Variants in PTK2 observed in about 807,000 individuals in gnomAD.
The protein encoded by PTK2 is focal adhesion kinase 1.
PTK2 carries 45 observed loss-of-function variants against 150.1 expected under a neutral mutation model. The ratio of observed to expected loss-of-function variants is 0.30; its 90% confidence interval spans 0.24 to 0.38. PTK2 has a LOEUF of 0.38. PTK2 is among the 10% of genes least tolerant of loss of function. PTK2 has a pLI of 1.00. For missense variants in PTK2, 919 were observed against 1,307.3 expected (o/e 0.70, Z 4.58); for synonymous variants, 432 against 449.2 (o/e 0.96, Z 0.48).
chr8:140,964,849 C>T (rs1238229234), intron 1 of PTK2, among the ~76,000 whole-genome samples: 1 of 152,158 alleles, frequency 6.6e-6, no homozygotes, highest in African/African-American at 2.4e-5. Flanking sequence ...TTCAAAGACA[C>T]TCAGACCTTG....
intron 22 of PTK2, among the ~76,000 whole-genome samples, chr8:140,720,181 C>T (rs1592079526): frequency 1.3e-5 from 2 of 152,168 alleles, no homozygotes; most frequent in East Asian, 1.9e-4. Context: ...CACAGCAATG[C>T]TTTCTGTCCA....
intron 5 of PTK2, among the ~76,000 whole-genome samples, chr8:140,850,283 G>C (rs2100128369): frequency 6.6e-6 from 1 of 151,734 alleles, no homozygotes; most frequent in African/African-American, 2.4e-5. Context: ...AAAATTAGCT[G>C]GGCATGGTGG....
At chr8:140,992,647 C>T (rs893969094) in intron 1 of PTK2, among the ~76,000 whole-genome samples, 16 of 152,242 alleles carry the variant, frequency 1.1e-4, no homozygotes, top group South Asian at 2.1e-4. Flanking sequence ...GGAACGTGTG[C>T]GTGAACAGTG....
chr8:140,987,350 T>G (rs1198265773), intron 1 of PTK2, among the ~76,000 whole-genome samples: 2 of 152,078 alleles, frequency 1.3e-5, no homozygotes, highest in African/African-American at 4.8e-5. Context: ...CCAGCTAATT[T>G]TTGTATTTTT....
intron 5 of PTK2, among the ~76,000 whole-genome samples, chr8:140,863,073 T>C (rs975997231): frequency 2.0e-5 from 3 of 152,166 alleles, no homozygotes; most frequent in Non-Finnish European, 2.9e-5. Flanking sequence ...TTATCTCACA[T>C]AGAAAAATAT....
At chr8:140,838,962 C>T (rs1296216280) in intron 7 of PTK2, among the ~76,000 whole-genome samples, 5 of 150,318 alleles carry the variant, frequency 3.3e-5, no homozygotes, top group African/African-American at 7.4e-5. Flanking sequence ...GCCGAGATCG[C>T]GCCACTGCAC....
At chr8:140,749,967 A>G (rs1266028044) in intron 17 of PTK2, among the ~76,000 whole-genome samples, 1 of 152,258 alleles carries the variant, frequency 6.6e-6, no homozygotes, top group Non-Finnish European at 1.5e-5. Context: ...ACCAATTTTT[A>G]AAATTTTCAT....
At chr8:140,771,552 G>A (rs2100075513) in intron 14 of PTK2, 1 of 152,198 alleles carries the variant, frequency 6.6e-6, no homozygotes, top group African/African-American at 2.4e-5. Context: ...AGATGCAGCA[G>A]TCATTAACAA....
intron 1 of PTK2, among the ~76,000 whole-genome samples, chr8:140,975,602 GA>G (rs1351411039): frequency 1.3e-5 from 2 of 152,156 alleles, no homozygotes; most frequent in Non-Finnish European, 2.9e-5. Flanking sequence ...GCGTTGAGGA[GA>G]GGGGGGAGGG....
intron 16 of PTK2, among the ~76,000 whole-genome samples, chr8:140,755,899 A>G (rs974510896): frequency 3.3e-5 from 5 of 152,258 alleles, no homozygotes; most frequent in Non-Finnish European, 1.5e-5. Context: ...TTGATTTTAC[A>G]GAATACTAAA....
chr8:140,717,637 C>T, exon 23 of PTK2: 1 of 1,614,076 alleles, frequency 6.2e-7, no homozygotes, highest in Non-Finnish European at 8.5e-7. Context: ...AGTCCCAGGA[C>T]ACTGTGGCCT....
intron 20 of PTK2, among the ~76,000 whole-genome samples, chr8:140,741,692 T>C (rs2100055774): frequency 6.6e-6 from 1 of 152,104 alleles, no homozygotes; most frequent in Non-Finnish European, 1.5e-5. Flanking sequence ...AATAGCACAA[T>C]ATGGATTTAT....
chr8:140,894,528 G>A (rs2100155383), intron 2 of PTK2, among the ~76,000 whole-genome samples: 1 of 152,140 alleles, frequency 6.6e-6, no homozygotes, highest in Non-Finnish European at 1.5e-5. Flanking sequence ...TCCTATAATG[G>A]AGTACTATGA....
At chr8:140,990,368 G>A (rs1291264135) in intron 1 of PTK2, among the ~76,000 whole-genome samples, 1 of 151,976 alleles carries the variant, frequency 6.6e-6, no homozygotes, top group East Asian at 1.9e-4. Context: ...CTGAATAGCT[G>A]GGACTATAGG....
chr8:140,958,596 C>T (rs2100182023), intron 1 of PTK2, among the ~76,000 whole-genome samples: 1 of 152,222 alleles, frequency 6.6e-6, no homozygotes, highest in African/African-American at 2.4e-5. Flanking sequence ...CCACTAGTCA[C>T]GTGCTAAGGA....
rs907260080 is a variant in PTK2 at position 140,820,027 on chromosome 8, C to T, written c.649-1007G>A. Among the ~76,000 whole-genome samples, 6 of 140,126 alleles carry T rather than the reference C, an allele frequency of 4.3e-5. No individual in the cohort carries two copies. The East Asian group carries it at 1.1e-3, about 26-fold the overall frequency. The allele number at this position is 140,126 out of a possible 152,430, so 91.9% of individuals were successfully genotyped here. On this transcript the variant is annotated intron_variant, in intron 8 of 31. Coordinates refer to ENST00000522684, the Ensembl canonical transcript of PTK2. ...AGTTGGCTTTGACTCTGATGAGATG[C>T]CAAGCCCTCAGGAGACTTTGAGAAG...
chr8:140,924,351 C>T (rs746820392), intron 2 of PTK2, among the ~76,000 whole-genome samples: 3 of 152,100 alleles, frequency 2.0e-5, no homozygotes, highest in African/African-American at 7.2e-5. Context: ...GCACTTATAC[C>T]TTCTAAAACA....
chr8:140,878,984 T>C (rs1327667222), intron 4 of PTK2, among the ~76,000 whole-genome samples: 1 of 152,144 alleles, frequency 6.6e-6, no homozygotes, highest in Non-Finnish European at 1.5e-5. Flanking sequence ...AATTTTAACG[T>C]TGCATGTGAA....
chr8:140,713,299 C>G (rs1420154041), intron 23 of PTK2, among the ~76,000 whole-genome samples: 1 of 152,154 alleles, frequency 6.6e-6, no homozygotes, highest in Non-Finnish European at 1.5e-5. Context: ...CTTGCTCTGT[C>G]TCCCAGGCTG....
Sources: allele counts gnomAD v4.1 joint callset (sites outside exome capture counted in the v4.1 genomes callset), GRCh38; gene constraint gnomAD v4.1.1; transcripts MANE v1.5; gene names NCBI Gene and HGNC (gene_info 2026-07-23, HGNC 2026-07-21).